SMYD3: variants seen among roughly 807,000 people sequenced by gnomAD.
SMYD3 encodes the protein SET and MYND domain containing 3, also known as histone-lysine N-methyltransferase SMYD3.
In SMYD3, 36 loss-of-function variants were observed where a neutral mutation model predicts 57.7. The observed-to-expected ratio is 0.62, with a 90% CI of 0.48 to 0.82. SMYD3 has a LOEUF of 0.82. SMYD3 is among the 40% of genes least tolerant of loss of function. The pLI is 0.00. For missense variants in SMYD3, 515 were observed against 538.8 expected, an observed-to-expected ratio of 0.96 and a Z score of 0.44; for synonymous variants, 211 against 195.0, an observed-to-expected ratio of 1.08 and a Z score of -0.68.
chr1:245,895,837 C>T (rs529237774), intron 8 of SMYD3, among the ~76,000 whole-genome samples: 10 of 152,246 alleles, frequency 6.6e-5, no homozygotes, highest in South Asian at 4.1e-4. Flanking sequence ...TCATAGGTGT[C>T]GTGGAGGGTC....
At chr1:245,993,126 T>C (rs1026446104) in intron 5 of SMYD3, among the ~76,000 whole-genome samples, 7 of 152,240 alleles carry the variant, frequency 4.6e-5, no homozygotes, top group African/African-American at 1.7e-4. Context: ...GTGTTCATCA[T>C]GTTCCAGATA....
In SMYD3 at chr1:246,233,089, A is replaced by C. The variant is rs1167781587; in HGVS notation, c.531+94112T>G. ...ACTGTGATGAACATATACCACACAG[A>C]GGAGAAGCACTCCTTCAATCCACAC... On this transcript the variant is annotated intron_variant, in intron 5 of 11. Coordinates refer to ENST00000490107, the MANE Select transcript of SMYD3 (RefSeq NM_001167740.2). Among the ~76,000 whole-genome samples the C allele has an allele frequency of 6.1e-5, 8 of 130,872 alleles. No individual in the cohort carries two copies. In the East Asian group the frequency reaches 4.5e-3, roughly 73 times the overall value. 85.9% of individuals were successfully genotyped at this position (130,872 alleles called of 152,430 possible).
intron 5 of SMYD3, among the ~76,000 whole-genome samples, chr1:246,166,315 G>T (rs1046605233): frequency 3.9e-5 from 6 of 152,156 alleles, no homozygotes; most frequent in South Asian, 2.1e-4. Context: ...GTACATGTTT[G>T]TATAGGGTTC....
chr1:246,085,158 A>G (rs2060702317), intron 5 of SMYD3, among the ~76,000 whole-genome samples: 1 of 152,232 alleles, frequency 6.6e-6, no homozygotes, highest in Non-Finnish European at 1.5e-5. Context: ...AAACACTTCA[A>G]TATAGAAGTA....
intron 10 of SMYD3, among the ~76,000 whole-genome samples, chr1:245,787,820 G>A (rs2047107338): frequency 6.6e-6 from 1 of 152,208 alleles, no homozygotes; most frequent in Non-Finnish European, 1.5e-5. Flanking sequence ...GGGCACAAGC[G>A]ACTCCCAGAT....
intron 5 of SMYD3, among the ~76,000 whole-genome samples, chr1:246,239,005 A>G (rs1338435928): frequency 6.6e-6 from 1 of 151,190 alleles, no homozygotes; most frequent in African/African-American, 2.4e-5. Context: ...TTTTCGGTGG[A>G]TAGTCACGAC....
chr1:246,196,756 T>C (rs930723439), intron 5 of SMYD3, among the ~76,000 whole-genome samples: 1 of 152,148 alleles, frequency 6.6e-6, no homozygotes, highest in Non-Finnish European at 1.5e-5. Flanking sequence ...AATTTAAAAG[T>C]TAAAACTTTC....
rs530924427 is a variant in SMYD3, at chr1:246,121,157, GT to G, written c.532-191221del. ...ATATGTACTAAACTTTAAATATTTT[GT>G]GATATAAAGACAAAACAAAAGTAAT... On this transcript the variant is annotated intron_variant, in intron 5 of 11. Transcript: ENST00000490107. Among the ~76,000 whole-genome samples, 507 of 152,158 alleles carry G rather than the reference GT, an allele frequency of 3.3e-3. 1 individual carries two copies. The highest frequency in any genetic ancestry group is 6.8e-3 in the Middle Eastern group (2 of 294).
intron 1 of SMYD3, among the ~76,000 whole-genome samples, chr1:246,425,689 T>C (rs1307835277): frequency 6.6e-6 from 1 of 152,222 alleles, no homozygotes; most frequent in African/African-American, 2.4e-5. Context: ...GCCTGTTCAT[T>C]AGCATACCCT....
intron 11 of SMYD3, among the ~76,000 whole-genome samples, chr1:245,759,142 T>C (rs1365276746): frequency 2.0e-5 from 3 of 152,348 alleles, no homozygotes; most frequent in Non-Finnish European, 4.4e-5. Flanking sequence ...TATTTTCTTA[T>C]CTTTTCTCTT....
chr1:246,117,197 G>A (rs183300368), intron 5 of SMYD3, among the ~76,000 whole-genome samples: 9 of 152,262 alleles, frequency 5.9e-5, no homozygotes, highest in Admixed American at 1.3e-4. Flanking sequence ...AAATGGACAA[G>A]TAGAAATCCG....
chr1:246,334,629 G>A (rs527926806), intron 3 of SMYD3, among the ~76,000 whole-genome samples: 1 of 152,098 alleles, frequency 6.6e-6, no homozygotes, highest in Non-Finnish European at 1.5e-5. Context: ...TCACTACCTC[G>A]GTGATGGGAT....
At chr1:245,998,955 A>G (rs1260264713) in intron 5 of SMYD3, among the ~76,000 whole-genome samples, 1 of 152,202 alleles carries the variant, frequency 6.6e-6, no homozygotes, top group Admixed American at 6.5e-5. Context: ...TCAAACTCAC[A>G]GAGACGCAAA....
intron 5 of SMYD3, among the ~76,000 whole-genome samples, chr1:246,249,505 G>A (rs1304415404): frequency 9.4e-5 from 14 of 148,822 alleles, no homozygotes; most frequent in Admixed American, 1.4e-4. Flanking sequence ...CACCCAGTAT[G>A]GATCCTAGTT....
chr1:246,195,702 T>C (rs1049368097), intron 5 of SMYD3, among the ~76,000 whole-genome samples: 3 of 152,238 alleles, frequency 2.0e-5, no homozygotes, highest in Non-Finnish European at 4.4e-5. Flanking sequence ...TTTCCCTGTG[T>C]TGACAAAGAA....
At chr1:245,773,011 T>C (rs1328061052) in intron 10 of SMYD3, among the ~76,000 whole-genome samples, 1 of 148,164 alleles carries the variant, frequency 6.7e-6, no homozygotes, top group Non-Finnish European at 1.5e-5. Context: ...CCAGGGCTAG[T>C]AAATGTATGG....
chr1:246,098,744 T>C (rs1250347249), intron 5 of SMYD3, among the ~76,000 whole-genome samples: 1 of 152,224 alleles, frequency 6.6e-6, no homozygotes, highest in East Asian at 1.9e-4. Context: ...AGATTGTAAG[T>C]ATTTTATTAT....
chr1:246,114,674 A>C (rs2061313539), intron 5 of SMYD3, among the ~76,000 whole-genome samples: 1 of 152,174 alleles, frequency 6.6e-6, no homozygotes, highest in African/African-American at 2.4e-5. Flanking sequence ...CTCTGTCGCC[A>C]GGCTGGAGTG....
intron 5 of SMYD3, among the ~76,000 whole-genome samples, chr1:246,251,146 T>G (rs1027025572): frequency 2.6e-5 from 4 of 152,160 alleles, no homozygotes; most frequent in Non-Finnish European, 4.4e-5. Context: ...GAACCAACAT[T>G]GATTTGACTG....
Sources: gnomAD v4.1 joint callset for allele counts (sites outside exome capture counted in the v4.1 genomes callset) on GRCh38, gnomAD v4.1.1 for gene constraint, MANE v1.5 for transcripts, NCBI Gene and HGNC (gene_info 2026-07-23, HGNC 2026-07-21) for gene names.